The following CMIP variants were observed in gnomAD, a reference collection of about 807,000 sequenced individuals.
CMIP encodes C-Maf-inducing protein.
A neutral mutation model predicts 97.3 loss-of-function variants in CMIP; 13 were observed. The observed-to-expected ratio is 0.13, with a 90% CI of 0.09 to 0.21. The LOEUF (loss-of-function observed/expected upper bound fraction) is 0.21, where lower values mean the gene tolerates loss of function less well. CMIP is among the 10% of genes least tolerant of loss of function. The probability of loss-of-function intolerance (pLI) is 1.00; values close to 1 mark genes in which losing one functional copy is unlikely to be tolerated. For synonymous variants in CMIP, 538 were observed against 436.3 expected (o/e 1.23, Z -2.91); for missense variants, 847 against 1,024.9 (o/e 0.83, Z 2.37).
At chr16:81,580,617 G>T (rs780087992) in intron 1 of CMIP, among the ~76,000 whole-genome samples, 3 of 152,074 alleles carry the variant, frequency 2.0e-5, no homozygotes, top group Non-Finnish European at 4.4e-5. Flanking sequence ...TGCATTTTTA[G>T]TAGAGACAGG....
At chr16:81,678,680 G>A in intron 10 of CMIP, 52 bp downstream of exon 10, 2 of 835,514 alleles carry the variant, frequency 2.4e-6, no homozygotes, top group Non-Finnish European at 3.8e-6. Flanking sequence ...AGGAGACTGG[G>A]CTTTGCTGCT....
chr16:81,581,041 A>G (rs1243674963), intron 1 of CMIP, among the ~76,000 whole-genome samples: 2 of 151,886 alleles, frequency 1.3e-5, no homozygotes, highest in Non-Finnish European at 2.9e-5. Context: ...GTCTTTTTCC[A>G]CTGGCTTCTT....
intron 1 of CMIP, among the ~76,000 whole-genome samples, chr16:81,583,036 AAAG>A (rs1299950185): frequency 1.3e-5 from 2 of 152,188 alleles, no homozygotes; most frequent in Non-Finnish European, 2.9e-5. Context: ...TAAAGCGAGG[AAAG>A]AAGGAGTGTT....
intron 10 of CMIP, among the ~76,000 whole-genome samples, chr16:81,687,113 A>G (rs1255470015): frequency 6.6e-6 from 1 of 152,100 alleles, no homozygotes; most frequent in East Asian, 1.9e-4. Flanking sequence ...GAGACTCAAC[A>G]TCCCTTCTGC....
intron 1 of CMIP, among the ~76,000 whole-genome samples, chr16:81,501,074 G>A (rs1253062011): frequency 1.3e-5 from 2 of 152,238 alleles, no homozygotes; most frequent in Non-Finnish European, 2.9e-5. Context: ...TCCAGGAGCT[G>A]CTCAAGTGCC....
In CMIP at chr16:81,583,981, GGAGGCA is replaced by G. The variant is rs141333860; in HGVS notation, c.301-23581_301-23576del. On this transcript the variant is annotated intron_variant, in intron 1 of 20. Coordinates refer to ENST00000537098, the MANE Select transcript of CMIP (RefSeq NM_198390.3). ...GGAATATTCCAGAAGAAAAATAAGA[GGAGGCA>G]GAGGTAGGATAGAGGGCAAGGGAAG... Among the ~76,000 whole-genome samples the G allele has an allele frequency of 2.5e-3, 379 of 152,314 alleles. 2 individuals carry two copies. The highest frequency in any genetic ancestry group is 8.3e-3 in the African/African-American group (344 of 41,570).
chr16:81,656,285 G>A (rs575011781), intron 4 of CMIP, among the ~76,000 whole-genome samples: 1 of 152,320 alleles, frequency 6.6e-6, no homozygotes, highest in East Asian at 1.9e-4. Flanking sequence ...CTTGGCTTCT[G>A]TAAACACATT....
At chr16:81,694,144 A>G (rs1477367962) in intron 13 of CMIP, among the ~76,000 whole-genome samples, 1 of 152,130 alleles carries the variant, frequency 6.6e-6, no homozygotes, top group East Asian at 1.9e-4. Flanking sequence ...AGTGTCTTCT[A>G]TAGTATTCCC....
At chr16:81,640,289 C>A (rs895981810) in intron 3 of CMIP, among the ~76,000 whole-genome samples, 6 of 134,074 alleles carry the variant, frequency 4.5e-5, no homozygotes, top group Non-Finnish European at 8.2e-5. Context: ...ACATCAGGCC[C>A]CCCCCCCCCC....
Position 81,621,141 on chromosome 16 carries a change from G to A in CMIP, c.477+215G>A. On this transcript the variant is annotated intron_variant, in intron 3 of 20. Transcript: ENST00000537098. The surrounding 1 kb of genome is among the most constrained non-coding windows in gnomAD (Gnocchi z 4.1). ...AGTGCTGAAATAGCATTCTCGCCCTGGTGTTCTCAAACCCTATAGCTGTTT... is the reference window on the plus strand; with the variant it reads ...AGTGCTGAAATAGCATTCTCGCCCTAGTGTTCTCAAACCCTATAGCTGTTT... 4 of 541,832 alleles carry A rather than the reference G, an allele frequency of 7.4e-6. No homozygotes were observed. The highest frequency in any genetic ancestry group is 3.2e-5 in the Admixed American group (1 of 31,274). The allele number at this position is 541,832 out of a possible 1,614,324, so 33.6% of individuals were successfully genotyped here. A position where few individuals can be genotyped will look rare whatever the true frequency, so the allele number is the denominator to read the frequency against.
At chr16:81,667,799 A>AGAGAGAGTGTGTGTGTGT in intron 7 of CMIP, among the ~76,000 whole-genome samples, 55 of 58,130 alleles carry the variant, frequency 9.5e-4, no homozygotes, top group Non-Finnish European at 1.4e-3. Context: ...AGAGAGAGAG[A>AGAGAGAGTGTGTGTGTGT]GTGTGTGTGT....
At chr16:81,515,545 C>T (rs912520188) in intron 1 of CMIP, among the ~76,000 whole-genome samples, 4 of 152,080 alleles carry the variant, frequency 2.6e-5, no homozygotes, top group Non-Finnish European at 5.9e-5. Flanking sequence ...TAATGGGAGG[C>T]GTGTTTCGTC....
At chr16:81,550,529 G>A (rs2090632078) in intron 1 of CMIP, among the ~76,000 whole-genome samples, 1 of 152,168 alleles carries the variant, frequency 6.6e-6, no homozygotes, top group South Asian at 2.1e-4. Flanking sequence ...GTGTTGACAG[G>A]TCTTATCCCG....
chr16:81,647,197 C>T (rs546329234), intron 3 of CMIP, among the ~76,000 whole-genome samples: 6 of 152,264 alleles, frequency 3.9e-5, no homozygotes, highest in African/African-American at 9.6e-5. Context: ...TGCGTTTTCC[C>T]GAGGGCTAAT....
At chr16:81,693,633 C>A in intron 13 of CMIP, 146 bp downstream of exon 13, 1 of 865,722 alleles carries the variant, frequency 1.2e-6, no homozygotes, top group Non-Finnish European at 1.7e-6. Flanking sequence ...AACACATCCC[C>A]GCCTGGTGCA....
At position 81,459,537 on chromosome 16, in the gene CMIP, C is replaced by T. The variant is rs146499233; in HGVS notation, c.300+13996C>T. Reference sequence around the variant, plus strand: ...AAGATATTATTGGTGGTTTTCACCTCAGCTTTCAGCAGCAGTGCTTGGGAA... The same window carrying T: ...AAGATATTATTGGTGGTTTTCACCTTAGCTTTCAGCAGCAGTGCTTGGGAA... On this transcript the variant is annotated intron_variant, in intron 1 of 20. Transcript: ENST00000537098. Among the ~76,000 whole-genome samples, 411 of 152,348 alleles carry T rather than the reference C, an allele frequency of 2.7e-3. 3 individuals carry two copies. Among genetic ancestry groups the T allele is most frequent in the African/African-American group, 9.5e-3 (395 of 41,582 alleles).
At chr16:81,646,669 T>A (rs2092367906) in intron 3 of CMIP, among the ~76,000 whole-genome samples, 1 of 152,248 alleles carries the variant, frequency 6.6e-6, no homozygotes, top group African/African-American at 2.4e-5. Flanking sequence ...CAATGAATGT[T>A]CCACTTTCTG....
intron 1 of CMIP, among the ~76,000 whole-genome samples, chr16:81,538,665 T>C (rs1170386633): frequency 6.6e-6 from 1 of 152,222 alleles, no homozygotes; most frequent in Admixed American, 6.5e-5. Context: ...CCTCTGCCAT[T>C]TAAGCCAAGT....
At chr16:81,468,229 G>A (rs1167511728) in intron 1 of CMIP, among the ~76,000 whole-genome samples, 1 of 152,202 alleles carries the variant, frequency 6.6e-6, no homozygotes, top group Admixed American at 6.5e-5. Context: ...GGTTCTCTAT[G>A]TTCATCTCAG....
Sources: gnomAD v4.1 joint callset for allele counts (sites outside exome capture counted in the v4.1 genomes callset) on GRCh38, gnomAD v4.1.1 for gene constraint, Gnocchi (gnomAD v3.1) non-coding constraint, MANE v1.5 for transcripts, NCBI Gene and HGNC (gene_info 2026-07-23, HGNC 2026-07-21) for gene names.